The following EPM2A variants were observed in gnomAD, a reference collection of about 807,000 sequenced individuals.
EPM2A encodes the protein EPM2A glucan phosphatase, laforin, also known as laforin.
A neutral mutation model predicts 26.5 loss-of-function variants in EPM2A; 21 were observed. The ratio of observed to expected loss-of-function variants is 0.79; its 90% CI spans 0.56 to 1.14. EPM2A has a LOEUF of 1.14. Ranked by LOEUF, EPM2A falls within the 50% of genes most tolerant of loss-of-function variation. The probability of loss-of-function intolerance (pLI) is 0.00; values close to 1 mark genes in which losing one functional copy is unlikely to be tolerated. For synonymous variants in EPM2A, 217 were observed against 177.6 expected (o/e 1.22, Z -1.76); for missense variants, 458 against 440.8 (o/e 1.04, Z -0.35).
At chr6:145,716,553 G>T (rs565629409) in intron 1 of EPM2A, among the ~76,000 whole-genome samples, 2 of 152,256 alleles carry the variant, frequency 1.3e-5, no homozygotes, top group Admixed American at 1.3e-4. Context: ...ACGTCCTCCA[G>T]GTCTCAAGAA....
intron 2 of EPM2A, among the ~76,000 whole-genome samples, chr6:145,607,402 A>G (rs1221049685): frequency 6.6e-6 from 1 of 152,204 alleles, no homozygotes; most frequent in African/African-American, 2.4e-5. Context: ...TCTGCTGTAC[A>G]GTATGTGACT....
intron 2 of EPM2A, among the ~76,000 whole-genome samples, chr6:145,660,869 C>T (rs11752698): frequency 6.6e-6 from 1 of 152,042 alleles, no homozygotes; most frequent in East Asian, 1.9e-4. Flanking sequence ...ATCAAAGTCA[C>T]CTAATCAGCA....
downstream of EPM2A, chr6:145,625,233 T>A (rs1775726149): frequency 6.4e-6 from 1 of 155,136 alleles, no homozygotes; most frequent in Admixed American, 6.4e-5. Context: ...CCTTTACAAA[T>A]AAGGAAACAA....
At chr6:145,621,241 G>A (rs1775626222), downstream of EPM2A, among the ~76,000 whole-genome samples, 2 of 152,172 alleles carry the variant, frequency 1.3e-5, no homozygotes, top group South Asian at 2.1e-4. Flanking sequence ...AGGTCCTCAA[G>A]TTTTAACGCT....
At chr6:145,627,774 G>A in intron 3 of EPM2A, 81 bp from the exon 4 acceptor site, 1 of 1,565,210 alleles carries the variant, frequency 6.4e-7, no homozygotes, top group Non-Finnish European at 8.6e-7. Flanking sequence ...AGCACAGCCT[G>A]AAATCACAGG....
intron 4 of EPM2A, among the ~76,000 whole-genome samples, chr6:145,396,308 C>G (rs1778404896): frequency 6.6e-6 from 1 of 152,148 alleles, no homozygotes; most frequent in Non-Finnish European, 1.5e-5. Context: ...ATTCCCTTTC[C>G]CATCTGAAGA....
intron 2 of EPM2A, among the ~76,000 whole-genome samples, chr6:145,575,060 G>C (rs1781012110): frequency 6.6e-6 from 1 of 152,062 alleles, no homozygotes; most frequent in African/African-American, 2.4e-5. Flanking sequence ...AGCTGTTGGG[G>C]GTGGCTCCTG....
chr6:145,527,003 C>G lies in EPM2A; in HGVS notation c.341-24428G>C, dbSNP rs180724730. 4.1e-3 allele frequency among the ~76,000 whole-genome samples: 624 copies of G among 152,070 alleles called. 5 individuals carry two copies. Among genetic ancestry groups the G allele is most frequent in the Middle Eastern group, 0.02 (6 of 294 alleles). On this transcript the variant is annotated intron_variant, in intron 2 of 3. Coordinates refer to the EPM2A transcript ENST00000450221. Reference sequence around the variant, plus strand: ...GTTGTATCTCTGTTTTCATTTACTTCAAATGATTTTTTGATTTCTGCCTTA... The same window carrying G: ...GTTGTATCTCTGTTTTCATTTACTTGAAATGATTTTTTGATTTCTGCCTTA...
chr6:145,580,023 GC>G (rs1233182902), intron 2 of EPM2A, among the ~76,000 whole-genome samples: 1 of 151,988 alleles, frequency 6.6e-6, no homozygotes, highest in African/African-American at 2.4e-5. Context: ...TAGATTATAA[GC>G]TGCAGACTAC....
chr6:145,551,693 T>C (rs1429233814), intron 2 of EPM2A, among the ~76,000 whole-genome samples: 2 of 151,996 alleles, frequency 1.3e-5, no homozygotes, highest in South Asian at 2.1e-4. Flanking sequence ...AAATCTTCTC[T>C]GGTAATGTCA....
intron 4 of EPM2A, chr6:145,490,517 A>G (rs1332215480): frequency 5.6e-6 from 4 of 717,654 alleles, no homozygotes; most frequent in Admixed American, 5.4e-5. Flanking sequence ...TGCTTCTCAC[A>G]GTACTGACAT....
At chr6:145,623,663 T>C (rs1775684517), downstream of EPM2A, among the ~76,000 whole-genome samples, 1 of 151,996 alleles carries the variant, frequency 6.6e-6, no homozygotes. Context: ...AAGGCCTGAG[T>C]TACATTTTTA....
chr6:145,450,453 C>T (rs1175677572), intron 4 of EPM2A, among the ~76,000 whole-genome samples: 1 of 152,020 alleles, frequency 6.6e-6, no homozygotes, highest in Non-Finnish European at 1.5e-5. Context: ...AACTCCCCTC[C>T]TAAGCATTTA....
intron 4 of EPM2A, among the ~76,000 whole-genome samples, chr6:145,387,003 A>T (rs1778271593): frequency 6.6e-6 from 1 of 152,174 alleles, no homozygotes; most frequent in African/African-American, 2.4e-5. Context: ...TAGAAGTGGC[A>T]ATGGAAAAGT....
chr6:145,513,304 G>A (rs1780081091), intron 2 of EPM2A, among the ~76,000 whole-genome samples: 1 of 152,060 alleles, frequency 6.6e-6, no homozygotes, highest in Non-Finnish European at 1.5e-5. Context: ...TGAAAAAAAT[G>A]TTCAACATAA....
At chr6:145,577,950 C>A (rs1781057242) in intron 2 of EPM2A, among the ~76,000 whole-genome samples, 1 of 151,950 alleles carries the variant, frequency 6.6e-6, no homozygotes, top group Non-Finnish European at 1.5e-5. Context: ...TACTGAGTGA[C>A]CATTGGGACA....
rs1775747765 is a variant in EPM2A at position 145,625,582 on chromosome 6, A to T, written c.*1834T>A. On this transcript the variant is annotated 3_prime_UTR_variant, in exon 4 of 4. Coordinates refer to ENST00000367519, the MANE Select transcript of EPM2A (RefSeq NM_005670.4). ...TTTTAAGATTAAATTTTCACAACAC[A>T]TTATGACTGTAAATGAGTTACCTGA... 3 of 702,522 alleles carry T rather than the reference A, an allele frequency of 4.3e-6. No individual in the cohort carries two copies. The South Asian group carries it at 4.6e-5, about 11-fold the overall frequency. The allele number at this position is 702,522 out of a possible 1,614,324, so 43.5% of individuals were successfully genotyped here. A position where few individuals can be genotyped will look rare whatever the true frequency, so the allele number is the denominator to read the frequency against.
intron 2 of EPM2A, among the ~76,000 whole-genome samples, chr6:145,556,787 C>T (rs1780733260): frequency 6.6e-6 from 1 of 152,052 alleles, no homozygotes; most frequent in Admixed American, 6.6e-5. Context: ...GCAACCATAT[C>T]ACATAACAGC....
intron 4 of EPM2A, among the ~76,000 whole-genome samples, chr6:145,461,224 G>A (rs1779325804): frequency 6.6e-6 from 1 of 152,172 alleles, no homozygotes; most frequent in South Asian, 2.1e-4. Flanking sequence ...AAAATCACAG[G>A]CAATAAGTCA....
Sources: allele counts gnomAD v4.1 joint callset (sites outside exome capture counted in the v4.1 genomes callset), GRCh38; gene constraint gnomAD v4.1.1; transcripts MANE v1.5; gene names NCBI Gene and HGNC (gene_info 2026-07-23, HGNC 2026-07-21).